GTPBP6: variants seen among roughly 807,000 people sequenced by gnomAD.
GTPBP6 encodes GTP binding protein 6, also known as putative GTP-binding protein 6.
Under a neutral mutation model 28.9 loss-of-function variants are expected in GTPBP6, and 33 were observed. The ratio of observed to expected loss-of-function variants is 1.14; its 90% CI spans 0.87 to 1.53. The LOEUF (loss-of-function observed/expected upper bound fraction) is 1.53. GTPBP6 is among the 40% of genes most tolerant of loss of function. The pLI, the probability that GTPBP6 is intolerant of heterozygous loss-of-function variation, is 0.00. For synonymous variants in GTPBP6, 231 were observed against 192.7 expected (o/e 1.20, Z -1.65); for missense variants, 507 against 408.3 (o/e 1.24, Z -2.08).
chrX:317,483 A>G (rs2070458526), intron 1 of GTPBP6, among the ~76,000 whole-genome samples: 1 of 145,928 alleles, frequency 6.9e-6, no homozygotes, highest in African/African-American at 2.6e-5. Context: ...CGACTACAGG[A>G]GCTTCCAAGG....
At chrX:305,324 GTTTT>G (rs375287376) in intron 9 of GTPBP6, 127 bp from the exon 10 acceptor site, 49 of 601,828 alleles carry the variant, frequency 8.1e-5, no homozygotes, top group Admixed American at 7.5e-4. Flanking sequence ...GTTTCCTTTT[GTTTT>G]TTTTTTTTTT....
At chrX:309,660 G>T (rs1329263123) in intron 7 of GTPBP6, among the ~76,000 whole-genome samples, 1 of 151,946 alleles carries the variant, frequency 6.6e-6, no homozygotes, top group African/African-American at 2.4e-5. Context: ...GAGTGGTGCG[G>T]CCACAAGCCC....
chrX:313,015 G>T (rs1471705236), intron 5 of GTPBP6, 91 bp from the exon 6 acceptor site: 5 of 1,106,626 alleles, frequency 4.5e-6, no homozygotes, highest in African/African-American at 3.1e-5. Context: ...GGGGCCCGGG[G>T]CCTGCTCCCG....
intron 4 of GTPBP6, 122 bp from the exon 5 acceptor site, chrX:314,339 G>A: frequency 1.2e-6 from 1 of 808,344 alleles, no homozygotes; most frequent in Non-Finnish European, 2.2e-6. Context: ...AGCCGCTGTT[G>A]CGGCCCCGCT....
At chrX:306,674 T>C (rs1229183708) in intron 9 of GTPBP6, among the ~76,000 whole-genome samples, 4 of 144,842 alleles carry the variant, frequency 2.8e-5, no homozygotes, top group Admixed American at 1.4e-4. Flanking sequence ...CAGTCAGAAA[T>C]GTACATTTTG....
chrX:307,887 G>GC lies in GTPBP6; in HGVS notation c.1126-8dup, dbSNP rs763691064. On this transcript the variant is annotated splice_polypyrimidine_tract_variant and splice_region_variant and intron_variant, in intron 7 of 9. Coordinates refer to ENST00000326153, the Ensembl canonical transcript of GTPBP6. ...TCACGTGCAAGATGAGATCCTGTGG[G>GC]CCGGGCCGTGGGGTCAGAGCTGCGG... 1 of 1,512,014 alleles carries GC rather than the reference G, an allele frequency of 6.6e-7. No homozygotes were observed. The highest frequency in any genetic ancestry group is 8.8e-7 in the Non-Finnish European group (1 of 1,132,292). 93.7% of individuals were successfully genotyped at this position (1,512,014 alleles called of 1,614,324 possible).
At chrX:311,511 C>G in exon 7 of GTPBP6, 1 of 1,612,246 alleles carries the variant, frequency 6.2e-7, no homozygotes, top group Non-Finnish European at 8.5e-7. Flanking sequence ...ACGTACAGGA[C>G]GGTCATGCGT....
chrX:306,415 T>A (rs1338012475), intron 9 of GTPBP6, among the ~76,000 whole-genome samples: 2 of 148,520 alleles, frequency 1.3e-5, no homozygotes, highest in Non-Finnish European at 1.5e-5. Flanking sequence ...GTCAGAAATG[T>A]ACATTTTCAC....
chrX:318,091 C>T (rs1166722041), intron 1 of GTPBP6, among the ~76,000 whole-genome samples: 3 of 150,846 alleles, frequency 2.0e-5, no homozygotes, highest in Non-Finnish European at 4.4e-5. Flanking sequence ...GAGCTCTTCC[C>T]CTCAAAGCCC....
intron 9 of GTPBP6, among the ~76,000 whole-genome samples, chrX:306,220 G>A (rs986105468): frequency 1.3e-5 from 2 of 151,724 alleles, no homozygotes; most frequent in Admixed American, 6.6e-5. Flanking sequence ...TGACTGTCAA[G>A]CGCAGATTAG....
Position 307,725 on chromosome X carries a change from G to C in GTPBP6, c.1274+7C>G. On this transcript the variant is annotated splice_region_variant and intron_variant, in intron 8 of 9. Coordinates refer to ENST00000326153, the Ensembl canonical transcript of GTPBP6. ...GAGACGCTTGCGGACCCCAGGGCCGGACTCACCCGGGCACGAGGTCCACCT... is the reference window on the plus strand; with the variant it reads ...GAGACGCTTGCGGACCCCAGGGCCGCACTCACCCGGGCACGAGGTCCACCT... 2 of 1,472,194 alleles carry C rather than the reference G, an allele frequency of 1.4e-6. No individual in the cohort carries two copies. The highest frequency in any genetic ancestry group is 1.8e-6 in the Non-Finnish European group (2 of 1,110,862). 91.2% of individuals were successfully genotyped at this position (1,472,194 alleles called of 1,614,324 possible). A position where few individuals can be genotyped will look rare whatever the true frequency, so the allele number is the denominator to read the frequency against.
intron 1 of GTPBP6, among the ~76,000 whole-genome samples, chrX:317,741 C>G (rs1229291406): frequency 7.3e-6 from 1 of 137,036 alleles, no homozygotes; most frequent in South Asian, 2.4e-4. Flanking sequence ...ACGGACCCCA[C>G]GGGCCCCACC....
chrX:311,427 C>T (rs780250035), exon 7 of GTPBP6: 4 of 1,354,696 alleles, frequency 3.0e-6, no homozygotes, highest in Middle Eastern at 2.7e-4. Flanking sequence ...ACCGAGTGGG[C>T]CACGTCTTCC....
intron 2 of GTPBP6, 119 bp downstream of exon 2, chrX:316,795 G>A: frequency 2.5e-6 from 1 of 398,516 alleles, no homozygotes; most frequent in Non-Finnish European, 4.4e-6. Flanking sequence ...CAATCCGAGA[G>A]GCCGCTTCCC....
rs2070220417 is a variant in GTPBP6, at chrX:308,539, G to A, written c.1126-659C>T. ...ACAGAAAGTACAAAAATTAGCCATG[G>A]CCTGGTTGTGCGTGTCTGTGGTCTC... On this transcript the variant is annotated intron_variant, in intron 7 of 9. Coordinates refer to ENST00000326153, the Ensembl canonical transcript of GTPBP6. Among the ~76,000 whole-genome samples the A allele has an allele frequency of 3.3e-5, 5 of 152,002 alleles. 1 individual carries two copies. In the South Asian group the frequency reaches 1.0e-3, roughly 32 times the overall value.
intron 9 of GTPBP6, 124 bp downstream of exon 9, chrX:307,236 G>T: frequency 1.2e-6 from 1 of 828,016 alleles, no homozygotes; most frequent in Non-Finnish European, 1.9e-6. Context: ...CATTCATCTC[G>T]TCTGTACATC....
intron 1 of GTPBP6, among the ~76,000 whole-genome samples, chrX:317,587 G>T (rs2070461421): frequency 6.7e-6 from 1 of 150,210 alleles, no homozygotes; most frequent in African/African-American, 2.5e-5. Flanking sequence ...GACACAGATT[G>T]GTCCGCTGGA....
At chrX:314,626 C>G (rs769347298) in intron 4 of GTPBP6, among the ~76,000 whole-genome samples, 3 of 152,110 alleles carry the variant, frequency 2.0e-5, no homozygotes, top group Admixed American at 6.5e-5. Flanking sequence ...GCGCCCGCCA[C>G]CACGCCCGGC....
rs761779947 is a variant in GTPBP6 at position 307,914 on chromosome X, G to A, written c.1126-34C>T. 1.7e-5 allele frequency: 25 copies of A among 1,467,360 alleles called. No individual in the cohort carries two copies. The South Asian group carries it at 3.5e-4, about 20-fold the overall frequency. 90.9% of individuals were successfully genotyped at this position (1,467,360 alleles called of 1,614,324 possible). On this transcript the variant is annotated intron_variant, in intron 7 of 9. Coordinates refer to ENST00000326153, the Ensembl canonical transcript of GTPBP6. The stretch of plus-strand genomic sequence containing the variant: ...CGGGCCGTGGGGTCAGAGCTGCGGA[G>A]CCTCTGGTCCCTGACCCCAAGCTTG...
Sources: gnomAD v4.1 joint callset for allele counts (sites outside exome capture counted in the v4.1 genomes callset) on GRCh38, gnomAD v4.1.1 for gene constraint, MANE v1.5 for transcripts, NCBI Gene and HGNC (gene_info 2026-07-23, HGNC 2026-07-21) for gene names.